The following RARB variants were observed in gnomAD, a reference collection of about 807,000 sequenced individuals.
RARB encodes retinoic acid receptor beta, also known as HBV-activated protein.
RARB carries 17 observed loss-of-function variants against 51.9 expected under a neutral mutation model. That is an observed-to-expected ratio of 0.33 (90% CI 0.22 to 0.49). The LOEUF is 0.49. Among genes scored for constraint, RARB ranks in the 20% least tolerant of loss-of-function variants. The probability of loss-of-function intolerance (pLI) is 0.99; values close to 1 mark genes in which losing one functional copy is unlikely to be tolerated. For missense variants in RARB, 369 were observed against 550.8 expected, an observed-to-expected ratio of 0.67 and a Z score of 3.30; for synonymous variants, 215 against 195.4, an observed-to-expected ratio of 1.10 and a Z score of -0.84.
At chr3:25,193,235 C>T (rs1464779720) in intron 5 of RARB, among the ~76,000 whole-genome samples, 5 of 152,120 alleles carry the variant, frequency 3.3e-5, no homozygotes, top group Middle Eastern at 3.4e-3. Context: ...ATTCTGTTTA[C>T]ATTCTTCCCC....
chr3:25,388,382 GTGA>G (rs1226005255), intron 5 of RARB, among the ~76,000 whole-genome samples: 1 of 152,184 alleles, frequency 6.6e-6, no homozygotes, highest in African/African-American at 2.4e-5. Context: ...AGAGATTGAT[GTGA>G]TGATATGATT....
chr3:25,572,470 C>A (rs560628762), intron 4 of RARB, among the ~76,000 whole-genome samples: 1 of 152,276 alleles, frequency 6.6e-6, no homozygotes, highest in East Asian at 1.9e-4. Context: ...GGCTCGATAA[C>A]TTTCCCCTTG....
At chr3:25,518,115 A>G (rs1698249420) in intron 3 of RARB, among the ~76,000 whole-genome samples, 1 of 152,206 alleles carries the variant, frequency 6.6e-6, no homozygotes, top group East Asian at 1.9e-4. Flanking sequence ...TAAAAGGGCA[A>G]ATTTATAGCA....
intron 3 of RARB, among the ~76,000 whole-genome samples, chr3:25,064,553 CAAAAGAGTGGCA>C (rs1698622005): frequency 6.6e-6 from 1 of 151,934 alleles, no homozygotes; most frequent in South Asian, 2.1e-4. Flanking sequence ...CTAATTATTC[CAAAAGAGTGGCA>C]AAAAATATCC....
intron 5 of RARB, among the ~76,000 whole-genome samples, chr3:25,389,805 G>A (rs114261076): frequency 0.02 from 3,008 of 152,278 alleles, 38 homozygotes; most frequent in Non-Finnish European, 0.029. Flanking sequence ...AAAATAACTA[G>A]TTATCTTTGA....
At chr3:25,020,950 G>A (rs973414601) in intron 2 of RARB, among the ~76,000 whole-genome samples, 1 of 152,086 alleles carries the variant, frequency 6.6e-6, no homozygotes, top group African/African-American at 2.4e-5. Context: ...GCCTGGCAAC[G>A]GAGTGAAACA....
intron 1 of RARB, among the ~76,000 whole-genome samples, chr3:25,446,538 T>C (rs1402848420): frequency 6.6e-6 from 1 of 152,124 alleles, no homozygotes; most frequent in Non-Finnish European, 1.5e-5. Context: ...GCGCAGTGGC[T>C]CACGCCTGTA....
chr3:25,215,393 A>G (rs1262050994), intron 5 of RARB, among the ~76,000 whole-genome samples: 1 of 152,216 alleles, frequency 6.6e-6, no homozygotes, highest in African/African-American at 2.4e-5. Flanking sequence ...CATTAGTGAA[A>G]TGTTAAATGG....
intron 3 of RARB, among the ~76,000 whole-genome samples, chr3:25,089,773 C>T (rs571162405): frequency 6.6e-6 from 1 of 152,082 alleles, no homozygotes; most frequent in Non-Finnish European, 1.5e-5. Flanking sequence ...GGAGTTTGAA[C>T]TGATAAATAG....
chr3:25,426,297 A>G (rs954344478), upstream of RARB, among the ~76,000 whole-genome samples: 3 of 152,250 alleles, frequency 2.0e-5, no homozygotes, highest in African/African-American at 7.2e-5. Flanking sequence ...TATAAAAGAG[A>G]GAAGAGAGGC....
At chr3:25,534,752 T>C (rs993080373) in intron 3 of RARB, among the ~76,000 whole-genome samples, 1 of 152,226 alleles carries the variant, frequency 6.6e-6, no homozygotes, top group African/African-American at 2.4e-5. Context: ...TCCTTACCTG[T>C]TGGCTTTGGG....
At chr3:25,128,342 A>G (rs1309940274) in intron 3 of RARB, among the ~76,000 whole-genome samples, 2 of 151,418 alleles carry the variant, frequency 1.3e-5, no homozygotes, top group African/African-American at 4.8e-5. Context: ...AGGTTTTAAA[A>G]TCATGTATAT....
chr3:25,491,302 T>G lies in RARB; in HGVS notation c.307-9880T>G, dbSNP rs1053857247. Among the ~76,000 whole-genome samples, 12 of 151,442 alleles carry G rather than the reference T, an allele frequency of 7.9e-5. 1 individual carries two copies. Among genetic ancestry groups the G allele is most frequent in the Non-Finnish European group, 1.8e-4 (12 of 67,876 alleles). ...CCCCACCCCCAAGTCCCTTTTACACTACAAAAATAAAGCCCAGTAGTAAAA... is the reference window on the plus strand; with the variant it reads ...CCCCACCCCCAAGTCCCTTTTACACGACAAAAATAAAGCCCAGTAGTAAAA... On this transcript the variant is annotated intron_variant, in intron 2 of 7. Coordinates refer to ENST00000330688, the MANE Select transcript of RARB (RefSeq NM_000965.5).
At chr3:25,238,149 C>CCA (rs1559518196) in intron 5 of RARB, among the ~76,000 whole-genome samples, 4 of 116,774 alleles carry the variant, frequency 3.4e-5, no homozygotes, top group Admixed American at 3.3e-4. Context: ...CATCCTCCAG[C>CCA]GCCCCCCCAC....
chr3:24,997,341 T>C (rs1380574798), intron 2 of RARB, among the ~76,000 whole-genome samples: 1 of 152,106 alleles, frequency 6.6e-6, no homozygotes, highest in African/African-American at 2.4e-5. Flanking sequence ...TTTCAGCACA[T>C]GTGTGTCTTT....
At chr3:25,124,052 G>T (rs1201346750) in intron 3 of RARB, among the ~76,000 whole-genome samples, 2 of 152,112 alleles carry the variant, frequency 1.3e-5, no homozygotes, top group Non-Finnish European at 2.9e-5. Flanking sequence ...GTACTCACCC[G>T]GGGAGGGAGT....
intron 1 of RARB, among the ~76,000 whole-genome samples, chr3:24,842,709 C>T (rs1702434311): frequency 6.6e-6 from 1 of 152,174 alleles, no homozygotes; most frequent in South Asian, 2.1e-4. Context: ...TTTTCTTTAA[C>T]ACATACTTTA....
intron 3 of RARB, among the ~76,000 whole-genome samples, chr3:25,099,738 T>A (rs1198146555): frequency 6.6e-6 from 1 of 152,148 alleles, no homozygotes; most frequent in Admixed American, 6.6e-5. Context: ...TGTCCTTTGC[T>A]GTCCTTTTTC....
chr3:24,879,060 T>A (rs892141350), intron 2 of RARB, among the ~76,000 whole-genome samples: 3 of 152,320 alleles, frequency 2.0e-5, no homozygotes, highest in African/African-American at 4.8e-5. Context: ...CTTTTATGTT[T>A]TATATATTTT....
Sources: allele counts gnomAD v4.1 joint callset (sites outside exome capture counted in the v4.1 genomes callset), GRCh38; gene constraint gnomAD v4.1.1; transcripts MANE v1.5; gene names NCBI Gene and HGNC (gene_info 2026-07-23, HGNC 2026-07-21).